APBA1: variants seen among roughly 807,000 people sequenced by gnomAD.
APBA1 encodes amyloid beta precursor protein binding family A member 1.
A neutral mutation model predicts 86.6 loss-of-function variants in APBA1; 55 were observed. That is an observed-to-expected ratio of 0.64 (90% CI 0.51 to 0.80). APBA1 has a LOEUF of 0.80. APBA1 is among the 30% of genes least tolerant of loss of function. The pLI is 0.00. For synonymous variants in APBA1, 511 were observed against 493.9 expected (o/e 1.03, Z -0.46); for missense variants, 1,090 against 1,183.0 (o/e 0.92, Z 1.15).
chr9:69,554,144 T>A (rs1438765714), intron 1 of APBA1, among the ~76,000 whole-genome samples: 2 of 152,178 alleles, frequency 1.3e-5, no homozygotes, highest in African/African-American at 4.8e-5. Flanking sequence ...TACCTACTGT[T>A]TACAGTGTCA....
chr9:69,524,141 T>G (rs905560535), intron 1 of APBA1, among the ~76,000 whole-genome samples: 1 of 152,014 alleles, frequency 6.6e-6, no homozygotes, highest in Admixed American at 6.6e-5. Flanking sequence ...TAGAAAGTTC[T>G]CAAATTAACA....
At chr9:69,638,579 T>C (rs976028557) in intron 1 of APBA1, among the ~76,000 whole-genome samples, 2 of 152,200 alleles carry the variant, frequency 1.3e-5, no homozygotes, top group African/African-American at 2.4e-5. Context: ...CCTGACCCTC[T>C]CTTCATTTAT....
chr9:69,573,174 A>AAAG (rs1404130699), intron 1 of APBA1, among the ~76,000 whole-genome samples: 7 of 152,246 alleles, frequency 4.6e-5, no homozygotes, highest in Admixed American at 1.3e-4. Flanking sequence ...ATAAATAAAT[A>AAAG]AAGAAGAAGA....
chr9:69,621,701 A>G (rs1466747964), intron 1 of APBA1, among the ~76,000 whole-genome samples: 3 of 7,030 alleles, frequency 4.3e-4, no homozygotes, highest in African/African-American at 4.7e-4. Context: ...GTACTTATTA[A>G]TAGAACAGTT....
chr9:69,609,771 G>A (rs1822546550), intron 1 of APBA1, among the ~76,000 whole-genome samples: 1 of 152,062 alleles, frequency 6.6e-6, no homozygotes, highest in African/African-American at 2.4e-5. Flanking sequence ...TCAGATTCTT[G>A]GTCTCCTTCC....
chr9:69,604,367 T>C (rs1329051919), intron 1 of APBA1, among the ~76,000 whole-genome samples: 9 of 134,332 alleles, frequency 6.7e-5, no homozygotes, highest in Admixed American at 1.5e-4. Flanking sequence ...CACATGAGTG[T>C]GGGCACACAT....
At chr9:69,536,713 A>AG (rs1588348022) in intron 1 of APBA1, among the ~76,000 whole-genome samples, 1 of 148,728 alleles carries the variant, frequency 6.7e-6, no homozygotes, top group East Asian at 2.0e-4. Flanking sequence ...CTAAAAAAAA[A>AG]AAAAAAAAAA....
intron 1 of APBA1, among the ~76,000 whole-genome samples, chr9:69,621,425 C>A (rs1411955073): frequency 6.6e-6 from 1 of 152,136 alleles, no homozygotes; most frequent in Non-Finnish European, 1.5e-5. Flanking sequence ...AGTCAACCAG[C>A]CTAGAAATCC....
rs1020470436 is a variant in APBA1, at chr9:69,427,748, G to A, written c.*3579C>T. 5 of 151,856 alleles carry A rather than the reference G, an allele frequency of 3.3e-5. No individual in the cohort carries two copies. Among genetic ancestry groups the A allele is most frequent in the African/African-American group, 4.8e-5 (2 of 41,350 alleles). The allele number at this position is 151,856 out of a possible 1,614,324, so 9.4% of individuals were successfully genotyped here. On this transcript the variant is annotated 3_prime_UTR_variant, in exon 13 of 13. Coordinates refer to ENST00000265381, the MANE Select transcript of APBA1 (RefSeq NM_001163.4). ...TGCGGTGTCCACATTCCAGGCTCAC[G>A]TGTAGATATATTTTATTTATATATT...
chr9:69,449,446 TC>T (rs1267106253), intron 10 of APBA1, 137 bp downstream of exon 10: 2 of 775,790 alleles, frequency 2.6e-6, no homozygotes, highest in Non-Finnish European at 4.3e-6. Flanking sequence ...TGAGTGCAAG[TC>T]CACGCCTTTT....
intron 1 of APBA1, among the ~76,000 whole-genome samples, chr9:69,593,201 C>T (rs1294386993): frequency 6.6e-6 from 1 of 152,178 alleles, no homozygotes; most frequent in African/African-American, 2.4e-5. Flanking sequence ...GAAAGTCAAA[C>T]AACAGACTGT....
chr9:69,464,669 G>A (rs1355843513), intron 5 of APBA1: 1 of 152,124 alleles, frequency 6.6e-6, no homozygotes, highest in East Asian at 1.9e-4. Flanking sequence ...CAACTCTATA[G>A]GACACCACTT....
chr9:69,461,883 T>C (rs1452697315), intron 5 of APBA1: 1 of 152,230 alleles, frequency 6.6e-6, no homozygotes, highest in Non-Finnish European at 1.5e-5. Flanking sequence ...AGATAATGCA[T>C]GTGAAGGGCC....
chr9:69,515,804 A>G (rs1341876430), intron 2 of APBA1, among the ~76,000 whole-genome samples: 1 of 151,572 alleles, frequency 6.6e-6, no homozygotes, highest in African/African-American at 2.4e-5. Context: ...TAAGAATCTG[A>G]TGAGTGCATT....
chr9:69,654,096 G>C (rs1411905389), intron 1 of APBA1, among the ~76,000 whole-genome samples: 11 of 123,790 alleles, frequency 8.9e-5, no homozygotes, highest in African/African-American at 3.5e-4. Flanking sequence ...TCGGCAACGA[G>C]AGCGAAACTC....
chr9:69,537,783 T>C (rs1264798630), intron 1 of APBA1, among the ~76,000 whole-genome samples: 1 of 152,032 alleles, frequency 6.6e-6, no homozygotes, highest in East Asian at 1.9e-4. Flanking sequence ...TTCTACTGAG[T>C]TGTTTTTTTT....
At chr9:69,447,824 T>G (rs985386767) in intron 10 of APBA1, among the ~76,000 whole-genome samples, 1 of 152,168 alleles carries the variant, frequency 6.6e-6, no homozygotes, top group Non-Finnish European at 1.5e-5. Flanking sequence ...CACACAGCAC[T>G]GAGCACTGTG....
intron 1 of APBA1, among the ~76,000 whole-genome samples, chr9:69,541,260 C>CG (rs71356117): frequency 6.8e-6 from 1 of 146,140 alleles, no homozygotes; most frequent in Non-Finnish European, 1.5e-5. Flanking sequence ...GACCCCCCCC[C>CG]CCATTCTGTT....
chr9:69,570,014 T>C (rs1837090646), intron 1 of APBA1, among the ~76,000 whole-genome samples: 1 of 152,216 alleles, frequency 6.6e-6, no homozygotes, highest in African/African-American at 2.4e-5. Context: ...AATCAGAGAA[T>C]ATTAATCAGG....
Sources: gnomAD v4.1 joint callset for allele counts (sites outside exome capture counted in the v4.1 genomes callset) on GRCh38, gnomAD v4.1.1 for gene constraint, MANE v1.5 for transcripts, NCBI Gene and HGNC (gene_info 2026-07-23, HGNC 2026-07-21) for gene names.